IARS1: variants seen among roughly 807,000 people sequenced by gnomAD.
The protein encoded by IARS1 is isoleucyl-tRNA synthetase 1.
Under a neutral mutation model 168.2 loss-of-function variants are expected in IARS1, and 124 were observed. The observed-to-expected ratio is 0.74, with a 90% CI of 0.64 to 0.86. The LOEUF is 0.86. Among genes scored for constraint, IARS1 ranks in the 40% least tolerant of loss-of-function variants. The pLI, the probability that IARS1 is intolerant of heterozygous loss-of-function variation, is 0.00. For missense variants in IARS1, 1,452 were observed against 1,515.8 expected, an observed-to-expected ratio of 0.96 and a Z score of 0.70; for synonymous variants, 532 against 529.4, an observed-to-expected ratio of 1.00 and a Z score of -0.07.
chr9:92,248,317 T>C (rs1829516137), intron 25 of IARS1, among the ~76,000 whole-genome samples: 1 of 152,140 alleles, frequency 6.6e-6, no homozygotes, highest in Non-Finnish European at 1.5e-5. Flanking sequence ...ATACGGAATG[T>C]TTAGTTTTGC....
chr9:92,223,685 AAAAC>A (rs1213958275), intron 31 of IARS1, among the ~76,000 whole-genome samples, 196 bp from the exon 32 acceptor site: 1 of 152,220 alleles, frequency 6.6e-6, no homozygotes, highest in Admixed American at 6.5e-5. Flanking sequence ...TCAATGTTGC[AAAAC>A]AAACATCATA....
At chr9:92,248,666 AAAAAAAAAAAAAT>A (rs1206199285) in intron 25 of IARS1, among the ~76,000 whole-genome samples, 46 of 151,616 alleles carry the variant, frequency 3.0e-4, no homozygotes, top group African/African-American at 9.2e-4. Context: ...AAAAAAAAAA[AAAAAAAAAAAAAT>A]TTCTATTTTA....
intron 1 of IARS1, among the ~76,000 whole-genome samples, chr9:92,291,820 G>C (rs971212298): frequency 2.6e-5 from 4 of 152,120 alleles, no homozygotes; most frequent in Non-Finnish European, 5.9e-5. Flanking sequence ...GCTTATTAGA[G>C]ATGCAGACTT....
At chr9:92,280,645 AATTCT>A in intron 7 of IARS1, 96 bp downstream of exon 7, 1 of 649,618 alleles carries the variant, frequency 1.5e-6, no homozygotes, top group Non-Finnish European at 2.4e-6. Context: ...GTTTTCAAAT[AATTCT>A]ATTCTTCATG....
intron 33 of IARS1, among the ~76,000 whole-genome samples, chr9:92,222,155 T>TA (rs35533659): frequency 0.14 from 21,844 of 151,242 alleles, 1,840 homozygotes; most frequent in South Asian, 0.29. Flanking sequence ...CCGTCTCTAC[T>TA]AAAATCCAAA....
chr9:92,286,237 G>A lies in IARS1; in HGVS notation c.479+299C>T, dbSNP rs532035494. ...CAAAAATTAGCCAAGCATGGTGGCG[G>A]GCGCCTGTAATCCCAGCTACTTGGG... On this transcript the variant is annotated intron_variant, in intron 5 of 33. Transcript: ENST00000443024. 1.1e-4 allele frequency: 33 copies of A among 294,570 alleles called. No homozygotes were observed. In the East Asian group the frequency reaches 2.2e-3, roughly 19 times the overall value. The allele number at this position is 294,570 out of a possible 1,614,324, so 18.2% of individuals were successfully genotyped here. A position where few individuals can be genotyped will look rare whatever the true frequency, so the allele number is the denominator to read the frequency against.
At chr9:92,282,860 A>T (rs7020638) in intron 6 of IARS1, among the ~76,000 whole-genome samples, 37,635 of 132,562 alleles carry the variant, frequency 0.28, 6,428 homozygotes, top group African/African-American at 0.49. Flanking sequence ...ATATATATAT[A>T]TTTTTTTTTT....
At chr9:92,260,669 C>T (rs1831398265) in intron 17 of IARS1, among the ~76,000 whole-genome samples, 1 of 151,948 alleles carries the variant, frequency 6.6e-6, no homozygotes, top group African/African-American at 2.4e-5. Flanking sequence ...AAGAAACAAA[C>T]AGTGTTAAGG....
chr9:92,276,082 T>G (rs1344541796), intron 9 of IARS1, among the ~76,000 whole-genome samples: 1 of 152,010 alleles, frequency 6.6e-6, no homozygotes, highest in African/African-American at 2.4e-5. Flanking sequence ...AGATTTCAGA[T>G]AATAAAAAAA....
intron 33 of IARS1, among the ~76,000 whole-genome samples, chr9:92,212,993 T>C (rs1252785488): frequency 2.0e-5 from 3 of 151,460 alleles, no homozygotes; most frequent in Non-Finnish European, 4.4e-5. Context: ...GGCCCAATGA[T>C]GAGATGAGAG....
chr9:92,256,737 G>T lies in IARS1; in HGVS notation c.2080C>A (p.Arg694=), dbSNP rs144846345. Residue 694 remains arginine (R), a synonymous_variant, in exon 20 of 34, where the codon CGG becomes AGG. Transcript: ENST00000443024. ...GACTGCATGAAGGACAGGATCCACC[G>T]GTCTGTAATGTTGGGGCTTTCTCTA... The part of the protein sequence containing the change: ...TVRESPNITD[R]WILSFMQSLI... 52 of 1,613,580 alleles carry T rather than the reference G, an allele frequency of 3.2e-5. No homozygotes were observed. The highest frequency in any genetic ancestry group is 1.6e-4 in the Middle Eastern group (1 of 6,084).
intron 12 of IARS1, among the ~76,000 whole-genome samples, chr9:92,270,754 C>T (rs1050414566): frequency 3.3e-5 from 5 of 152,114 alleles, no homozygotes; most frequent in East Asian, 1.9e-4. Flanking sequence ...TGTGATTGCA[C>T]CACTGCATTC....
chr9:92,261,975 C>T (rs1392730039), intron 17 of IARS1, among the ~76,000 whole-genome samples: 4 of 151,876 alleles, frequency 2.6e-5, no homozygotes, highest in Admixed American at 2.6e-4. Context: ...GTCTCCAACT[C>T]CTGACCTCAG....
chr9:92,210,959 G>GT (rs1837650995), intron 33 of IARS1, 70 bp from the exon 34 acceptor site: 5 of 984,472 alleles, frequency 5.1e-6, no homozygotes, highest in Non-Finnish European at 8.2e-6. Context: ...TTAAAAAAAT[G>GT]TTAACTGCTT....
intron 14 of IARS1, among the ~76,000 whole-genome samples, chr9:92,267,056 G>A (rs1335898022): frequency 1.3e-5 from 2 of 152,156 alleles, no homozygotes; most frequent in East Asian, 1.9e-4. Flanking sequence ...GTCATTGACT[G>A]AATGACATTA....
At chr9:92,286,434 C>T (rs997107307) in intron 5 of IARS1, 102 bp downstream of exon 5, 13 of 633,964 alleles carry the variant, frequency 2.1e-5, no homozygotes, top group Non-Finnish European at 3.4e-5. Context: ...AGAGAAATAA[C>T]GATGGACTCA....
intron 14 of IARS1, 130 bp from the exon 15 acceptor site, chr9:92,265,683 G>T (rs1832191949): frequency 6.7e-6 from 5 of 750,070 alleles, no homozygotes; most frequent in Non-Finnish European, 9.2e-6. Flanking sequence ...TTGAGATAGG[G>T]TCTCACTACC....
rs1260353342 is a variant in IARS1 at position 92,293,594 on chromosome 9, G to A, written c.-8+17C>T. The stretch of plus-strand genomic sequence containing the variant: ...TCGTCTTTGAGGGCCGGATCCTGCA[G>A]GGAAGAGAGGGCGTACCTGAGGGGC... On this transcript the variant is annotated intron_variant, in intron 1 of 33. Transcript: ENST00000443024. 2.6e-6 allele frequency: 1 copy of A among 389,918 alleles called. No homozygotes were observed. The highest frequency in any genetic ancestry group is 5.3e-6 in the Non-Finnish European group (1 of 189,132). The allele number at this position is 389,918 out of a possible 1,614,324, so 24.2% of individuals were successfully genotyped here. A position where few individuals can be genotyped will look rare whatever the true frequency, so the allele number is the denominator to read the frequency against.
intron 30 of IARS1, among the ~76,000 whole-genome samples, chr9:92,229,335 T>C (rs1207551274): frequency 6.7e-6 from 1 of 148,720 alleles, no homozygotes; most frequent in Non-Finnish European, 1.5e-5. Flanking sequence ...TATACATATA[T>C]AGTGTATATG....
Sources: gnomAD v4.1 joint callset for allele counts (sites outside exome capture counted in the v4.1 genomes callset) on GRCh38, gnomAD v4.1.1 for gene constraint, MANE v1.5 for transcripts, NCBI Gene and HGNC (gene_info 2026-07-23, HGNC 2026-07-21) for gene names.